PPARGC1A: variants seen among roughly 807,000 people sequenced by gnomAD.
PPARGC1A encodes the protein PPARG coactivator 1 alpha, also known as peroxisome proliferator-activated receptor gamma coactivator 1-alpha.
Under a neutral mutation model 88.7 loss-of-function variants are expected in PPARGC1A, and 25 were observed. The ratio of observed to expected loss-of-function variants is 0.28; its 90% confidence interval spans 0.21 to 0.39. The LOEUF (loss-of-function observed/expected upper bound fraction) is 0.39. Among genes scored for constraint, PPARGC1A ranks in the 10% least tolerant of loss-of-function variants. PPARGC1A has a pLI of 1.00. For missense variants in PPARGC1A, 880 were observed against 968.7 expected (o/e 0.91, Z 1.22); for synonymous variants, 363 against 355.6 (o/e 1.02, Z -0.24).
chr4:24,000,213 C>T, the PPARGC1A span, among the ~76,000 whole-genome samples: 1 of 152,068 alleles, frequency 6.6e-6, no homozygotes, highest in Non-Finnish European at 1.5e-5. Context: ...AGGCTGTCAC[C>T]GTTTCATCCT....
the PPARGC1A span, among the ~76,000 whole-genome samples, chr4:24,354,612 T>C: frequency 1.3e-5 from 2 of 152,180 alleles, no homozygotes; most frequent in Non-Finnish European, 1.5e-5. Context: ...TTTGGCTGGG[T>C]GCGGTGGCTC....
At chr4:24,213,559 C>G in the PPARGC1A span, among the ~76,000 whole-genome samples, 1 of 152,162 alleles carries the variant, frequency 6.6e-6, no homozygotes, top group Non-Finnish European at 1.5e-5. Context: ...GTATAGCTGT[C>G]CAGACAGAAA....
At chr4:24,014,973 C>G in the PPARGC1A span, among the ~76,000 whole-genome samples, 1 of 152,108 alleles carries the variant, frequency 6.6e-6, no homozygotes, top group Non-Finnish European at 1.5e-5. Context: ...CAGGGGCCAT[C>G]GTGATATTCT....
At chr4:24,320,802 G>A in the PPARGC1A span, among the ~76,000 whole-genome samples, 1 of 152,152 alleles carries the variant, frequency 6.6e-6, no homozygotes, top group East Asian at 1.9e-4. Flanking sequence ...GAACACCATA[G>A]GAAGCCGGGT....
chr4:24,465,260 G>T, the PPARGC1A span, among the ~76,000 whole-genome samples: 1 of 152,188 alleles, frequency 6.6e-6, no homozygotes, highest in Non-Finnish European at 1.5e-5. Context: ...ACACTGCTTT[G>T]TTGAAATAAC....
intron 2 of PPARGC1A, among the ~76,000 whole-genome samples, chr4:23,876,501 G>T (rs1213743945): frequency 6.6e-6 from 1 of 152,182 alleles, no homozygotes; most frequent in Non-Finnish European, 1.5e-5. Context: ...TGCATATTGT[G>T]TGAGGAGGAC....
Position 23,863,066 on chromosome 4 carries a change from C to T in PPARGC1A, c.234+21686G>A, listed in dbSNP as rs1416970243. Among the ~76,000 whole-genome samples the T allele has an allele frequency of 2.6e-5, 4 of 152,252 alleles. No individual in the cohort carries two copies. The South Asian group carries it at 6.2e-4, about 24-fold the overall frequency. On this transcript the variant is annotated intron_variant, in intron 2 of 12. Transcript: ENST00000264867. ...TTCTCCAAATCACCCAAGGTTGAAA[C>T]CACAGCCATTTTTCCTCCCTTTTTT...
At chr4:24,079,780 AGG>A in the PPARGC1A span, among the ~76,000 whole-genome samples, 1 of 152,078 alleles carries the variant, frequency 6.6e-6, no homozygotes, top group Non-Finnish European at 1.5e-5. Flanking sequence ...CCAGTCAATC[AGG>A]TAACTCAACA....
At chr4:23,946,035 G>A in the PPARGC1A span, among the ~76,000 whole-genome samples, 6 of 152,118 alleles carry the variant, frequency 3.9e-5, no homozygotes, top group East Asian at 1.9e-4. Context: ...GGCAGAATCC[G>A]CTGTCTCTAT....
the PPARGC1A span, among the ~76,000 whole-genome samples, chr4:23,952,388 C>T: frequency 8.6e-5 from 13 of 152,012 alleles, no homozygotes; most frequent in Admixed American, 5.9e-4. Context: ...TGTGAAGCAC[C>T]GCCAGAAAAC....
At chr4:24,394,103 TTC>T in the PPARGC1A span, among the ~76,000 whole-genome samples, 1 of 152,238 alleles carries the variant, frequency 6.6e-6, no homozygotes, top group Admixed American at 6.5e-5. Context: ...TGAGCCTGCT[TTC>T]TCTTTGCTAC....
chr4:23,808,261 A>C (rs542737464), intron 10 of PPARGC1A, among the ~76,000 whole-genome samples: 26 of 151,978 alleles, frequency 1.7e-4, no homozygotes, highest in African/African-American at 6.3e-4. Flanking sequence ...AAAAAAAAAA[A>C]AAAAAAACCC....
the PPARGC1A span, among the ~76,000 whole-genome samples, chr4:24,136,807 C>G: frequency 6.6e-6 from 1 of 152,080 alleles, no homozygotes; most frequent in Non-Finnish European, 1.5e-5. Context: ...GAGATAGGGC[C>G]TTTAAAAAGT....
At chr4:24,158,362 C>T in the PPARGC1A span, among the ~76,000 whole-genome samples, 5 of 152,084 alleles carry the variant, frequency 3.3e-5, no homozygotes, top group African/African-American at 9.7e-5. Context: ...ATCTGTCTTC[C>T]GCCAAACTCC....
chr4:24,330,945 C>T, the PPARGC1A span, among the ~76,000 whole-genome samples: 2 of 152,096 alleles, frequency 1.3e-5, no homozygotes, highest in Admixed American at 6.5e-5. Flanking sequence ...GTGCCTAATC[C>T]CCTACCTCTA....
At chr4:24,415,826 AAT>A in the PPARGC1A span, among the ~76,000 whole-genome samples, 1 of 152,176 alleles carries the variant, frequency 6.6e-6, no homozygotes, top group African/African-American at 2.4e-5. Flanking sequence ...TTTATTCACA[AAT>A]AGTTTTTGGA....
At chr4:24,247,418 G>T in the PPARGC1A span, among the ~76,000 whole-genome samples, 1 of 152,052 alleles carries the variant, frequency 6.6e-6, no homozygotes, top group African/African-American at 2.4e-5. Flanking sequence ...CTTCCGGTTC[G>T]TAAATGTTTT....
At chr4:24,116,381 G>A in the PPARGC1A span, among the ~76,000 whole-genome samples, 1 of 152,102 alleles carries the variant, frequency 6.6e-6, no homozygotes, top group Non-Finnish European at 1.5e-5. Context: ...ACATATACAC[G>A]TGAACTTCAG....
chr4:24,409,426 T>C, the PPARGC1A span, among the ~76,000 whole-genome samples: 1 of 152,260 alleles, frequency 6.6e-6, no homozygotes, highest in African/African-American at 2.4e-5. Flanking sequence ...CACTGCTTTA[T>C]GTGCAAAGAA....
Sources: gnomAD v4.1 joint callset for allele counts (sites outside exome capture counted in the v4.1 genomes callset) on GRCh38, gnomAD v4.1.1 for gene constraint, MANE v1.5 for transcripts, NCBI Gene and HGNC (gene_info 2026-07-23, HGNC 2026-07-21) for gene names.